KBTBD2: variants seen among roughly 807,000 people sequenced by gnomAD.
KBTBD2 encodes the protein kelch repeat and BTB domain containing 2.
A neutral mutation model predicts 57.1 loss-of-function variants in KBTBD2; 17 were observed. That is an observed-to-expected ratio of 0.30 (90% CI 0.20 to 0.45). The LOEUF is 0.45. Among genes scored for constraint, KBTBD2 ranks in the 20% least tolerant of loss-of-function variants. KBTBD2 has a pLI of 1.00. For missense variants in KBTBD2, 515 were observed against 750.6 expected (o/e 0.69, Z 3.67); for synonymous variants, 267 against 262.7 (o/e 1.02, Z -0.16).
chr7:32,872,533 C>T (rs984400929), intron 3 of KBTBD2, among the ~76,000 whole-genome samples: 3 of 152,020 alleles, frequency 2.0e-5, no homozygotes, highest in Admixed American at 6.6e-5. Flanking sequence ...AAATAATTAG[C>T]CAAGTGTGGT....
chr7:32,870,878 T>G lies in KBTBD2; in HGVS notation c.339A>C (p.Val113=). The change falls in exon 4 of 4, where the codon GTA becomes GTC. Residue 113 remains valine, a splice_region_variant and synonymous_variant. Coordinates refer to ENST00000304056, the MANE Select transcript of KBTBD2 (RefSeq NM_015483.3). ...QLYETACFLQ[V]EDVLQRCREY... The stretch of plus-strand genomic sequence containing the variant: ...CTCGACAACGTTGTAACACATCTTC[T>G]ACCTAGAATGAGAAGGAAAAAAAAA... 6.5e-7 allele frequency: 1 copy of G among 1,527,206 alleles called. No homozygotes were observed. The allele number at this position is 1,527,206 out of a possible 1,614,324, so 94.6% of individuals were successfully genotyped here.
In KBTBD2 at chr7:32,874,668, C is replaced by T. The variant is rs6946347; in HGVS notation, c.336+324G>A. On this transcript the variant is annotated intron_variant, in intron 3 of 3. Coordinates refer to ENST00000304056, the MANE Select transcript of KBTBD2 (RefSeq NM_015483.3). ...ATAAACCACATAATAAACCAATAAG[C>T]TACAACTCATGTATGTAACTGAGTA... is the stretch of plus-strand genomic sequence containing the variant. The T allele has an allele frequency of 1.9e-3, 330 of 172,658 alleles. 2 individuals are homozygous for T. Among genetic ancestry groups the T allele is most frequent in the African/African-American group, 7.1e-3 (302 of 42,242 alleles). 10.7% of individuals were successfully genotyped at this position (172,658 alleles called of 1,614,324 possible).
chr7:32,870,511 C>A lies in KBTBD2; in HGVS notation c.706G>T (p.Gly236Cys). The change falls in exon 4 of 4, where the codon GGT becomes TGT. Residue 236 changes from glycine to cysteine, a missense_variant. By Grantham distance (159) the Gly-to-Cys change is radical. Transcript: ENST00000304056. ...ACTGACTTATCATTGGGTGGCAGAC[C>A]TTGAAACCAAGCTCTCTGTGTTACT... Reference protein sequence around the residue: ...SEVTQRAWFQGLPPNDKSVVV... With the variant: ...SEVTQRAWFQCLPPNDKSVVV... 1 of 1,613,998 alleles carries A rather than the reference C, an allele frequency of 6.2e-7. No individual in the cohort carries two copies. Among genetic ancestry groups the A allele is most frequent in the Non-Finnish European group, 8.5e-7 (1 of 1,179,948 alleles).
intron 1 of KBTBD2, among the ~76,000 whole-genome samples, chr7:32,889,236 A>G (rs929287468): frequency 2.0e-5 from 3 of 151,670 alleles, no homozygotes; most frequent in Non-Finnish European, 4.4e-5. Flanking sequence ...GCTTGCAGTG[A>G]GCCAAGATCG....
chr7:32,886,977 G>T (rs1024828398), intron 1 of KBTBD2, among the ~76,000 whole-genome samples: 3 of 151,446 alleles, frequency 2.0e-5, no homozygotes, highest in African/African-American at 7.3e-5. Flanking sequence ...GAGGCAATGA[G>T]GGGGGATAGA....
At chr7:32,884,968 ATGTGTGTG>A (rs200344166) in intron 1 of KBTBD2, among the ~76,000 whole-genome samples, 2 of 134,516 alleles carry the variant, frequency 1.5e-5, no homozygotes, top group East Asian at 2.5e-4. Context: ...ATATGTGTGT[ATGTGTGTG>A]TATATATATA....
intron 1 of KBTBD2, among the ~76,000 whole-genome samples, chr7:32,883,311 CAGG>C (rs1784488153): frequency 6.6e-6 from 1 of 152,080 alleles, no homozygotes; most frequent in African/African-American, 2.4e-5. Flanking sequence ...CACTTGAACC[CAGG>C]AGGAGGAGGT....
chr7:32,885,046 AT>A (rs961676139), intron 1 of KBTBD2, among the ~76,000 whole-genome samples: 27 of 142,050 alleles, frequency 1.9e-4, no homozygotes, highest in East Asian at 6.1e-4. Context: ...ACAAATTTTA[AT>A]TTTTTTTTTT....
At chr7:32,889,620 ACCTG>A (rs1784679366) in intron 1 of KBTBD2, among the ~76,000 whole-genome samples, 1 of 152,172 alleles carries the variant, frequency 6.6e-6, no homozygotes, top group African/African-American at 2.4e-5. Context: ...CTTGAGATCA[ACCTG>A]TCATTTCTAA....
At chr7:32,872,464 G>A (rs1784205199) in intron 3 of KBTBD2, among the ~76,000 whole-genome samples, 1 of 152,138 alleles carries the variant, frequency 6.6e-6, no homozygotes, top group Non-Finnish European at 1.5e-5. Context: ...AGGAGTGCCT[G>A]AGCTCAAGAG....
intron 1 of KBTBD2, among the ~76,000 whole-genome samples, chr7:32,885,909 C>CTA (rs1784568892): frequency 7.1e-6 from 1 of 141,612 alleles, no homozygotes; most frequent in South Asian, 2.2e-4. Flanking sequence ...TGTCTACACA[C>CTA]TTTTTTTTTT....
intron 1 of KBTBD2, chr7:32,891,270 C>T (rs1006062141): frequency 6.7e-6 from 1 of 148,974 alleles, no homozygotes; most frequent in Non-Finnish European, 1.5e-5. Flanking sequence ...CAGCTAGCGG[C>T]GTACCGGGCC....
intron 2 of KBTBD2, 109 bp from the exon 3 acceptor site, chr7:32,875,266 A>G (rs896904692): frequency 1.8e-5 from 19 of 1,032,978 alleles, no homozygotes; most frequent in Admixed American, 1.4e-4. Context: ...GTATTTACTT[A>G]TAAGAGAAAC....
At chr7:32,882,336 A>G (rs1343982010) in intron 1 of KBTBD2, among the ~76,000 whole-genome samples, 1 of 152,188 alleles carries the variant, frequency 6.6e-6, no homozygotes, top group Non-Finnish European at 1.5e-5. Flanking sequence ...TAGACCCCAG[A>G]ATTTCTTGCA....
chr7:32,874,184 G>A (rs1042500850), intron 3 of KBTBD2, among the ~76,000 whole-genome samples: 1 of 152,068 alleles, frequency 6.6e-6, no homozygotes, highest in Non-Finnish European at 1.5e-5. Context: ...TGGATCACGA[G>A]GTCAGGAGAT....
In KBTBD2 at chr7:32,868,609, G is replaced by A. The variant is rs530060312; in HGVS notation, c.*736C>T. The A allele has an allele frequency of 2.0e-5, 3 of 152,666 alleles. No individual in the cohort carries two copies. Among genetic ancestry groups the A allele is most frequent in the Admixed American group, 6.5e-5 (1 of 15,294 alleles). The allele number at this position is 152,666 out of a possible 1,614,324, so 9.5% of individuals were successfully genotyped here. Reference sequence around the variant, plus strand: ...TGTTAACATAATACAGAAAGTGGAGGCTTTTTCTGATTAAAGCTCCACGCA... The same window carrying A: ...TGTTAACATAATACAGAAAGTGGAGACTTTTTCTGATTAAAGCTCCACGCA... On this transcript the variant is annotated 3_prime_UTR_variant, in exon 4 of 4. Transcript: ENST00000304056.
At chr7:32,877,308 C>T (rs567144229) in intron 2 of KBTBD2, among the ~76,000 whole-genome samples, 24 of 152,274 alleles carry the variant, frequency 1.6e-4, no homozygotes, top group African/African-American at 5.3e-4. Context: ...TGTGCCAGCA[C>T]TCCCGACCAG....
In KBTBD2 at chr7:32,870,417, T is replaced by A. The variant is rs747138513; in HGVS notation, c.800A>T (p.Glu267Val). Residue 267 changes from glutamate (E) to valine (V), a missense_variant, in exon 4 of 4, where the codon GAA becomes GTA. Coordinates refer to ENST00000304056, the MANE Select transcript of KBTBD2 (RefSeq NM_015483.3). ...FKPRLGMTKE[E>V]MMIFIEASSE... The stretch of plus-strand genomic sequence containing the variant: ...AGATGCTTCAATGAAAATCATCATT[T>A]CCTCTTTAGTCATCCCAAGTCTTGG... 8 of 1,613,818 alleles carry A rather than the reference T, an allele frequency of 5.0e-6. No individual in the cohort carries two copies. Among genetic ancestry groups the A allele is most frequent in the Non-Finnish European group, 5.9e-6 (7 of 1,179,920 alleles).
chr7:32,884,512 A>G (rs1289091487), intron 1 of KBTBD2, among the ~76,000 whole-genome samples: 1 of 152,088 alleles, frequency 6.6e-6, no homozygotes, highest in East Asian at 1.9e-4. Flanking sequence ...CAACATGGTG[A>G]AACCCCGTCT....
Sources: allele counts gnomAD v4.1 joint callset (sites outside exome capture counted in the v4.1 genomes callset), GRCh38; gene constraint gnomAD v4.1.1; transcripts MANE v1.5; gene names NCBI Gene and HGNC (gene_info 2026-07-23, HGNC 2026-07-21).